The following PCDH15 variants were observed in gnomAD, a reference collection of about 807,000 sequenced individuals.
PCDH15 encodes the protein protocadherin related 15.
PCDH15 carries 129 observed loss-of-function variants against 178.5 expected under a neutral mutation model. The observed-to-expected ratio is 0.72, with a 90% CI of 0.63 to 0.84. The LOEUF is 0.84. PCDH15 is among the 40% of genes least tolerant of loss of function. The pLI is 0.00. For missense variants in PCDH15, 2,230 were observed against 2,099.9 expected (o/e 1.06, Z -1.21); for synonymous variants, 800 against 732.0 (o/e 1.09, Z -1.50).
chr10:55,252,222 C>T (rs1484513472), intron 1 of PCDH15, among the ~76,000 whole-genome samples: 4 of 152,018 alleles, frequency 2.6e-5, no homozygotes, highest in Non-Finnish European at 5.9e-5. Flanking sequence ...GCAAAATCCC[C>T]AAAACATTCA....
chr10:55,428,174 T>C (rs2132053597), intron 2 of PCDH15, among the ~76,000 whole-genome samples: 1 of 152,164 alleles, frequency 6.6e-6, no homozygotes, highest in South Asian at 2.1e-4. Context: ...CCTAATCAAT[T>C]AGGTCAAATA....
intron 2 of PCDH15, among the ~76,000 whole-genome samples, chr10:55,514,618 C>G (rs1425930305): frequency 1.3e-5 from 2 of 152,092 alleles, no homozygotes; most frequent in Non-Finnish European, 2.9e-5. Context: ...GTGGGGAAAC[C>G]CAGCAATACT....
intron 14 of PCDH15, among the ~76,000 whole-genome samples, chr10:54,141,790 C>A (rs576412019): frequency 6.6e-6 from 1 of 152,226 alleles, no homozygotes; most frequent in Non-Finnish European, 1.5e-5. Flanking sequence ...AAGTGTTGCA[C>A]TGGTTTGAAG....
intron 2 of PCDH15, among the ~76,000 whole-genome samples, chr10:55,059,905 A>G (rs2131997825): frequency 6.6e-6 from 1 of 152,186 alleles, no homozygotes; most frequent in Non-Finnish European, 1.5e-5. Context: ...AGAATAGATG[A>G]ATAGAAATAA....
chr10:54,802,015 T>G (rs898937264), upstream of PCDH15, among the ~76,000 whole-genome samples: 3 of 152,208 alleles, frequency 2.0e-5, no homozygotes, highest in African/African-American at 7.2e-5. Flanking sequence ...TGTGTTCACC[T>G]GAGCATATGA....
intron 2 of PCDH15, among the ~76,000 whole-genome samples, chr10:54,944,750 T>A (rs1281926895): frequency 6.6e-6 from 1 of 151,890 alleles, no homozygotes; most frequent in East Asian, 1.9e-4. Context: ...ATACGATATG[T>A]GAGACTAAGG....
intron 2 of PCDH15, among the ~76,000 whole-genome samples, chr10:55,059,610 C>A (rs1841381792): frequency 1.3e-5 from 2 of 152,026 alleles, no homozygotes; most frequent in Non-Finnish European, 2.9e-5. Flanking sequence ...ATGTCTCTTG[C>A]CAGCTGTGTG....
chr10:54,430,439 C>CA (rs563502757), intron 3 of PCDH15, among the ~76,000 whole-genome samples: 25 of 151,978 alleles, frequency 1.6e-4, no homozygotes, highest in African/African-American at 5.3e-4. Flanking sequence ...TTAAAACATT[C>CA]AAAAAAATTG....
rs187335512 is a variant in PCDH15 at position 55,209,929 on chromosome 10, G to A, written c.-155-43278C>T. On this transcript the variant is annotated intron_variant, in intron 1 of 5. Coordinates refer to the PCDH15 transcript ENST00000458638. ...CCTAGAAAATAAGGAGACAGAGGAG[G>A]AACAAGTGAAAAGATTCTAGAACTA... Among the ~76,000 whole-genome samples the A allele has an allele frequency of 1.7e-3, 254 of 151,982 alleles. 1 individual carries two copies. In the South Asian group the frequency reaches 0.019, roughly 11 times the overall value.
intron 3 of PCDH15, among the ~76,000 whole-genome samples, chr10:54,474,029 G>T (rs2136749460): frequency 6.6e-6 from 1 of 151,922 alleles, no homozygotes; most frequent in Middle Eastern, 3.9e-3. Context: ...AAAATCTAAA[G>T]AGTGATTCCT....
intron 3 of PCDH15, among the ~76,000 whole-genome samples, chr10:54,455,266 G>A (rs925291482): frequency 6.6e-6 from 1 of 152,092 alleles, no homozygotes; most frequent in Non-Finnish European, 1.5e-5. Context: ...AGAGTGGGGC[G>A]CTGCTGTAAA....
At chr10:55,261,509 C>T (rs1294464690) in intron 1 of PCDH15, among the ~76,000 whole-genome samples, 1 of 152,106 alleles carries the variant, frequency 6.6e-6, no homozygotes, top group African/African-American at 2.4e-5. Flanking sequence ...AATGTATTAG[C>T]ATGTATTTGT....
intron 2 of PCDH15, among the ~76,000 whole-genome samples, chr10:55,060,666 G>C (rs1274164841): frequency 6.6e-6 from 1 of 151,798 alleles, no homozygotes; most frequent in Non-Finnish European, 1.5e-5. Flanking sequence ...AATAGGGGAA[G>C]CAAAATAAAA....
intron 2 of PCDH15, among the ~76,000 whole-genome samples, chr10:54,966,327 T>C (rs1005019339): frequency 6.6e-6 from 1 of 152,160 alleles, no homozygotes; most frequent in African/African-American, 2.4e-5. Context: ...AAGCCATAAT[T>C]GACATAGAGT....
chr10:55,196,861 C>T (rs1002772482), intron 1 of PCDH15, among the ~76,000 whole-genome samples: 4 of 151,712 alleles, frequency 2.6e-5, no homozygotes, highest in Non-Finnish European at 4.4e-5. Context: ...GTGAGATGAG[C>T]GAGAATAGCT....
At chr10:54,401,732 T>C (rs1951959546) in intron 3 of PCDH15, among the ~76,000 whole-genome samples, 1 of 151,928 alleles carries the variant, frequency 6.6e-6, no homozygotes, top group Non-Finnish European at 1.5e-5. Flanking sequence ...TCATCAATTT[T>C]GAATAAATTG....
intron 13 of PCDH15, among the ~76,000 whole-genome samples, chr10:54,170,769 A>T (rs2046814208): frequency 6.6e-6 from 1 of 152,102 alleles, no homozygotes; most frequent in Admixed American, 6.5e-5. Context: ...CCTAATCCCC[A>T]CACACCAGCA....
chr10:55,474,385 A>C (rs990430812), intron 2 of PCDH15, among the ~76,000 whole-genome samples: 13 of 152,200 alleles, frequency 8.5e-5, no homozygotes, highest in Non-Finnish European at 7.3e-5. Context: ...ATTAAACTCT[A>C]AAATTAGCTT....
chr10:54,726,768 A>C (rs1190670740), intron 1 of PCDH15, among the ~76,000 whole-genome samples: 2 of 150,274 alleles, frequency 1.3e-5, no homozygotes, highest in Non-Finnish European at 3.0e-5. Flanking sequence ...AATCAAAAGC[A>C]CTACACAGCA....
Sources: gnomAD v4.1 joint callset for allele counts (sites outside exome capture counted in the v4.1 genomes callset) on GRCh38, gnomAD v4.1.1 for gene constraint, MANE v1.5 for transcripts, NCBI Gene and HGNC (gene_info 2026-07-23, HGNC 2026-07-21) for gene names.